MAP1LC3B: variants seen among roughly 807,000 people sequenced by gnomAD.
MAP1LC3B encodes microtubule associated protein 1 light chain 3 beta.
Under a neutral mutation model 16.7 loss-of-function variants are expected in MAP1LC3B, and 12 were observed. The observed-to-expected ratio is 0.72, with a 90% confidence interval of 0.46 to 1.16. The LOEUF (loss-of-function observed/expected upper bound fraction) is 1.16. Among genes scored for constraint, MAP1LC3B ranks in the 50% most tolerant of loss-of-function variants. MAP1LC3B has a pLI of 0.00. For synonymous variants in MAP1LC3B, 63 were observed against 56.5 expected, an observed-to-expected ratio of 1.11 and a Z score of -0.51; for missense variants, 155 against 159.5, an observed-to-expected ratio of 0.97 and a Z score of 0.15.
chr16:87,401,124 C>A, intron 2 of MAP1LC3B, among the ~76,000 whole-genome samples: 1 of 98,476 alleles, frequency 1.0e-5, no homozygotes, highest in African/African-American at 3.4e-5. Flanking sequence ...CAGAGCAAGA[C>A]TCTGTCTCAA....
intron 2 of MAP1LC3B, among the ~76,000 whole-genome samples, chr16:87,400,488 T>A (rs1233300092): frequency 6.6e-6 from 1 of 152,114 alleles, no homozygotes; most frequent in Non-Finnish European, 1.5e-5. Flanking sequence ...CTCAAATATT[T>A]GTATTTTTAA....
rs554518054 is a variant in MAP1LC3B at position 87,403,393 on chromosome 16, A to C, written c.*296A>C. 4.3e-6 allele frequency: 1 copy of C among 234,048 alleles called. No homozygotes were observed. Among genetic ancestry groups the C allele is most frequent in the Non-Finnish European group, 9.1e-6 (1 of 110,246 alleles). 14.5% of individuals were successfully genotyped at this position (234,048 alleles called of 1,614,324 possible). ...AAGTTGCCAATAAAATAGACCTTCA[A>C]GTTATTTTAATGCTCTTTTCTCACT... On this transcript the variant is annotated 3_prime_UTR_variant, in exon 4 of 4. Transcript: ENST00000268607.
intron 1 of MAP1LC3B, among the ~76,000 whole-genome samples, chr16:87,398,451 G>C (rs900767521): frequency 2.0e-5 from 3 of 152,192 alleles, no homozygotes; most frequent in African/African-American, 7.2e-5. Context: ...AACAAAAATT[G>C]AAGTTAATAT....
chr16:87,403,025 G>A lies in MAP1LC3B; in HGVS notation c.306G>A (p.Glu102=). Residue 102 remains glutamate (E), a synonymous_variant, in exon 4 of 4, where the codon GAG becomes GAA. Coordinates refer to ENST00000268607, the MANE Select transcript of MAP1LC3B (RefSeq NM_022818.5). ...STPISEVYES[E]KDEDGFLYMV... ...CAATCTCAGAGGTGTATGAGAGTGA[G>A]AAAGATGAAGATGGATTCCTGTACA... 1 of 1,614,162 alleles carries A rather than the reference G, an allele frequency of 6.2e-7. No individual in the cohort carries two copies. Among genetic ancestry groups the A allele is most frequent in the African/African-American group, 1.3e-5 (1 of 75,048 alleles).
At chr16:87,395,097 C>A (rs973834338) in intron 1 of MAP1LC3B, among the ~76,000 whole-genome samples, 5 of 152,132 alleles carry the variant, frequency 3.3e-5, no homozygotes, top group African/African-American at 1.2e-4. Context: ...CCTGGAAAAT[C>A]CTGGAAAAAC....
At chr16:87,400,889 C>G (rs767869023) in intron 2 of MAP1LC3B, among the ~76,000 whole-genome samples, 16 of 152,012 alleles carry the variant, frequency 1.1e-4, no homozygotes, top group Non-Finnish European at 1.8e-4. Context: ...TATCCCAGCA[C>G]TTTGGAAGGC....
In MAP1LC3B at chr16:87,395,847, CTTT is replaced by C. The variant is rs1567498869; in HGVS notation, c.41-2967_41-2965del. 4.6e-3 allele frequency among the ~76,000 whole-genome samples: 443 copies of C among 95,524 alleles called. 3 individuals carry two copies. Among genetic ancestry groups the C allele is most frequent in the African/African-American group, 0.017 (433 of 26,150 alleles). 62.7% of individuals were successfully genotyped at this position (95,524 alleles called of 152,430 possible). A position where few individuals can be genotyped will look rare whatever the true frequency, so the allele number is the denominator to read the frequency against. On this transcript the variant is annotated intron_variant, in intron 1 of 3. Coordinates refer to ENST00000268607, the MANE Select transcript of MAP1LC3B (RefSeq NM_022818.5). ...ACTTCATAGAGCCTGTTTTTTCCTTCTTTCCTTTTTTTTTTTTTTTTTTTTTTT... is the reference window on the plus strand; with the variant it reads ...ACTTCATAGAGCCTGTTTTTTCCTTCCCTTTTTTTTTTTTTTTTTTTTTTT...
At chr16:87,395,852 C>CTTTTTTTT (rs72388667) in intron 1 of MAP1LC3B, among the ~76,000 whole-genome samples, 1 of 53,836 alleles carries the variant, frequency 1.9e-5, no homozygotes, top group Admixed American at 2.9e-4. Context: ...TCCTTCTTTC[C>CTTTTTTTT]TTTTTTTTTT....
At position 87,404,153 on chromosome 16, in the gene MAP1LC3B, T is replaced by C. The variant is rs1298942514; in HGVS notation, c.*1056T>C. ...TCCCACACCAAGTGCATGTCAGTTG[T>C]GGAGAAAACATAGCAAAAAGAGCCG... On this transcript the variant is annotated 3_prime_UTR_variant, in exon 4 of 4. Coordinates refer to ENST00000268607, the MANE Select transcript of MAP1LC3B (RefSeq NM_022818.5). 1.3e-5 allele frequency: 2 copies of C among 152,140 alleles called. No homozygotes were observed. The highest frequency in any genetic ancestry group is 2.4e-5 in the African/African-American group (1 of 41,434). The allele number at this position is 152,140 out of a possible 1,614,324, so 9.4% of individuals were successfully genotyped here. A position where few individuals can be genotyped will look rare whatever the true frequency, so the allele number is the denominator to read the frequency against.
rs1294076302 is a variant in MAP1LC3B, at chr16:87,403,092, G to C, written c.373G>C (p.Val125Leu). The change falls in exon 4 of 4, where the codon GTG (valine) becomes CTG (leucine). Residue 125 changes from valine to leucine, a missense_variant. Physicochemically the swap from Val to Leu is conservative, Grantham distance 32. Transcript: ENST00000268607. ...GGAGACGTTCGGGATGAAATTGTCA[G>C]TGTAAAACCAGAAAAAATGCAGCTC... ...SQETFGMKLS[V>L] 7 of 1,589,548 alleles carry C rather than the reference G, an allele frequency of 4.4e-6. No individual in the cohort carries two copies. Among genetic ancestry groups the C allele is most frequent in the South Asian group, 2.3e-5 (2 of 86,282 alleles).
chr16:87,397,064 GATCCA>G (rs1907834073), intron 1 of MAP1LC3B: 1 of 152,004 alleles, frequency 6.6e-6, no homozygotes, highest in Admixed American at 6.5e-5. Context: ...CTGACCTCGT[GATCCA>G]CCCGCCTCGG....
chr16:87,395,777 A>G (rs894953060), intron 1 of MAP1LC3B, among the ~76,000 whole-genome samples: 3 of 151,710 alleles, frequency 2.0e-5, no homozygotes, highest in East Asian at 1.9e-4. Flanking sequence ...TTGGGAATAA[A>G]TCAGGATAAA....
At chr16:87,392,839 G>A (rs1285616480) in intron 1 of MAP1LC3B, 2 of 152,052 alleles carry the variant, frequency 1.3e-5, no homozygotes, top group Non-Finnish European at 2.9e-5. Context: ...CCCCGCAAGC[G>A]CGCTGCGGGC....
At chr16:87,399,065 G>C (rs1248304834) in intron 2 of MAP1LC3B, 195 bp downstream of exon 2, 2 of 576,052 alleles carry the variant, frequency 3.5e-6, no homozygotes, top group African/African-American at 3.8e-5. Context: ...GAGTGCAGTG[G>C]TGCGATCGTA....
rs371925748 is a variant in MAP1LC3B at position 87,403,029 on chromosome 16, G to A, written c.310G>A (p.Asp104Asn). 6.2e-7 allele frequency: 1 copy of A among 1,614,038 alleles called. No homozygotes were observed. The highest frequency in any genetic ancestry group is 1.3e-5 in the African/African-American group (1 of 74,922). The change falls in exon 4 of 4, where the codon GAT (aspartate) becomes AAT (asparagine). Residue 104 changes from aspartate (D) to asparagine (N), a missense_variant. Physicochemically the swap from Asp to Asn is conservative, Grantham distance 23. Transcript: ENST00000268607. Reference sequence around the variant, plus strand: ...CTCAGAGGTGTATGAGAGTGAGAAAGATGAAGATGGATTCCTGTACATGGT... The same window carrying A: ...CTCAGAGGTGTATGAGAGTGAGAAAAATGAAGATGGATTCCTGTACATGGT... ...PISEVYESEK[D>N]EDGFLYMVYA...
chr16:87,394,802 G>A (rs1479980275), intron 1 of MAP1LC3B, among the ~76,000 whole-genome samples: 1 of 145,062 alleles, frequency 6.9e-6, no homozygotes, highest in Non-Finnish European at 1.5e-5. Flanking sequence ...GTGGGGCATG[G>A]TGGCTCACAC....
Position 87,402,981 on chromosome 16 carries a change from A to T in MAP1LC3B, c.262A>T (p.Met88Leu). The change falls in exon 4 of 4, where the codon ATG (methionine) becomes TTG (leucine). Residue 88 changes from methionine (M) to leucine (L), a missense_variant. Coordinates refer to ENST00000268607, the MANE Select transcript of MAP1LC3B (RefSeq NM_022818.5). The stretch of plus-strand genomic sequence containing the variant: ...CTTCCTGTTGGTGAACGGACACAGC[A>T]TGGTCAGCGTCTCCACACCAATCTC... ...AFFLLVNGHSMVSVSTPISEV... is the reference protein window; with the variant it reads ...AFFLLVNGHSLVSVSTPISEV... 1 of 1,614,042 alleles carries T rather than the reference A, an allele frequency of 6.2e-7. No homozygotes were observed. The highest frequency in any genetic ancestry group is 2.2e-5 in the East Asian group (1 of 44,888).
chr16:87,402,850 GTGA>G, intron 3 of MAP1LC3B, 70 bp from the exon 4 acceptor site: 1 of 1,560,014 alleles, frequency 6.4e-7, no homozygotes, highest in Non-Finnish European at 8.8e-7. Context: ...ATCAGAGTGG[GTGA>G]TATTTTAACA....
At position 87,392,542 on chromosome 16, in the gene MAP1LC3B, G is replaced by T. The variant is rs558943355; in HGVS notation, c.40+75G>T. ...TGTGGAGGGCGGCAGGGCCTGGGAC[G>T]CCGTGAGGGGTCGGGGCCGAGCCGG... On this transcript the variant is annotated intron_variant, in intron 1 of 3. Transcript: ENST00000268607. The T allele has an allele frequency of 4.6e-4, 553 of 1,196,874 alleles. 3 individuals carry two copies. In the African/African-American group the frequency reaches 8.2e-3, roughly 18 times the overall value. The allele number at this position is 1,196,874 out of a possible 1,614,324, so 74.1% of individuals were successfully genotyped here. A position where few individuals can be genotyped will look rare whatever the true frequency, so the allele number is the denominator to read the frequency against.
Sources: gnomAD v4.1 joint callset for allele counts (sites outside exome capture counted in the v4.1 genomes callset) on GRCh38, gnomAD v4.1.1 for gene constraint, MANE v1.5 for transcripts, NCBI Gene and HGNC (gene_info 2026-07-23, HGNC 2026-07-21) for gene names.